MYH15: variants seen among roughly 807,000 people sequenced by gnomAD.
MYH15 encodes the protein myosin heavy chain 15.
Under a neutral mutation model 240.5 loss-of-function variants are expected in MYH15, and 227 were observed. That is an observed-to-expected ratio of 0.94 (90% CI 0.85 to 1.05). The LOEUF (loss-of-function observed/expected upper bound fraction) is 1.05, where lower values mean the gene tolerates loss of function less well. MYH15 is among the 50% of genes least tolerant of loss of function. The pLI, the probability that MYH15 is intolerant of heterozygous loss-of-function variation, is 0.00. For synonymous variants in MYH15, 785 were observed against 796.7 expected (o/e 0.99, Z 0.25); for missense variants, 2,217 against 2,247.5 (o/e 0.99, Z 0.27).
chr3:108,429,217 A>C (rs1361543098), intron 26 of MYH15, among the ~76,000 whole-genome samples: 1 of 152,196 alleles, frequency 6.6e-6, no homozygotes, highest in Non-Finnish European at 1.5e-5. Flanking sequence ...TAAAAATTGG[A>C]ATGGTAAATT....
upstream of MYH15, among the ~76,000 whole-genome samples, chr3:108,512,025 C>G (rs1329912900): frequency 1.3e-5 from 2 of 152,086 alleles, no homozygotes; most frequent in Non-Finnish European, 2.9e-5. Flanking sequence ...CTATGTAATG[C>G]AAGGACTAGT....
chr3:108,517,757 C>T (rs1451767576), intron 1 of MYH15, among the ~76,000 whole-genome samples: 2 of 152,180 alleles, frequency 1.3e-5, no homozygotes, highest in African/African-American at 2.4e-5. Flanking sequence ...TGTGAGCCAC[C>T]GCACCCGGCC....
intron 38 of MYH15, 143 bp from the exon 39 acceptor site, chr3:108,384,925 A>T: frequency 1.5e-6 from 1 of 667,568 alleles, no homozygotes; most frequent in Non-Finnish European, 2.5e-6. Context: ...GGTTTAACTC[A>T]CCCAAGTTCC....
chr3:108,535,239 A>G, the MYH15 span, among the ~76,000 whole-genome samples: 1 of 152,186 alleles, frequency 6.6e-6, no homozygotes, highest in Non-Finnish European at 1.5e-5. Context: ...CTGCTATAGT[A>G]AAATACCATG....
chr3:108,384,823 T>A, intron 38 of MYH15, 41 bp from the exon 39 acceptor site: 1 of 1,558,984 alleles, frequency 6.4e-7, no homozygotes, highest in Non-Finnish European at 8.8e-7. Context: ...ATTCAGAGGA[T>A]CCAGCAGTCT....
intron 21 of MYH15, among the ~76,000 whole-genome samples, chr3:108,451,821 T>A (rs1310407504): frequency 6.6e-6 from 1 of 152,174 alleles, no homozygotes; most frequent in African/African-American, 2.4e-5. Flanking sequence ...AAAGTAAGTT[T>A]AACATTTTTA....
intron 20 of MYH15, among the ~76,000 whole-genome samples, chr3:108,455,395 G>A (rs1160651422): frequency 6.6e-6 from 1 of 152,178 alleles, no homozygotes; most frequent in African/African-American, 2.4e-5. Flanking sequence ...TTCACACACA[G>A]ACAAGCCATT....
intron 36 of MYH15, among the ~76,000 whole-genome samples, chr3:108,392,852 T>A (rs2082431466): frequency 6.6e-6 from 1 of 152,258 alleles, no homozygotes; most frequent in African/African-American, 2.4e-5. Flanking sequence ...CCTTTCTACC[T>A]GTGTGGATTT....
chr3:108,468,451 A>G (rs1211554565), intron 14 of MYH15, among the ~76,000 whole-genome samples: 3 of 152,182 alleles, frequency 2.0e-5, no homozygotes, highest in Non-Finnish European at 4.4e-5. Context: ...GATCATTAAT[A>G]TTTGCTACAA....
chr3:108,470,295 C>G (rs1016129047), intron 13 of MYH15, 83 bp from the exon 14 acceptor site: 6 of 985,012 alleles, frequency 6.1e-6, no homozygotes, highest in African/African-American at 1.7e-5. Context: ...AAGAAAAAAC[C>G]ATAACCATTA....
At chr3:108,483,118 T>A (rs1450137692) in intron 11 of MYH15, among the ~76,000 whole-genome samples, 3 of 151,256 alleles carry the variant, frequency 2.0e-5, no homozygotes, top group Non-Finnish European at 4.4e-5. Flanking sequence ...AAGAATCGCT[T>A]GAACCTGGGA....
intron 21 of MYH15, among the ~76,000 whole-genome samples, chr3:108,445,322 C>A (rs761298166): frequency 6.6e-6 from 1 of 151,826 alleles, no homozygotes. Context: ...AGAATCTTAC[C>A]CTTAATAAAA....
intron 1 of MYH15, among the ~76,000 whole-genome samples, chr3:108,520,253 T>C (rs1009924509): frequency 6.6e-6 from 1 of 152,190 alleles, no homozygotes; most frequent in Non-Finnish European, 1.5e-5. Context: ...AACTATTCTA[T>C]TCTATGAATA....
At chr3:108,488,845 T>C (rs1344970766) in intron 9 of MYH15, among the ~76,000 whole-genome samples, 2 of 152,206 alleles carry the variant, frequency 1.3e-5, no homozygotes, top group East Asian at 1.9e-4. Flanking sequence ...TTGTAATCTT[T>C]TGAGTGACTT....
chr3:108,389,385 T>G (rs1445891952), intron 37 of MYH15, among the ~76,000 whole-genome samples: 1 of 152,070 alleles, frequency 6.6e-6, no homozygotes, highest in Non-Finnish European at 1.5e-5. Context: ...GTATAGAGAG[T>G]AAGCAATGTG....
At chr3:108,431,803 C>T (rs543831377) in intron 25 of MYH15, among the ~76,000 whole-genome samples, 3 of 152,240 alleles carry the variant, frequency 2.0e-5, no homozygotes, top group African/African-American at 4.8e-5. Flanking sequence ...TGAATAGCTT[C>T]GACCAAAATG....
chr3:108,400,305 T>C (rs552977635), intron 33 of MYH15, among the ~76,000 whole-genome samples: 1 of 152,288 alleles, frequency 6.6e-6, no homozygotes, highest in East Asian at 1.9e-4. Flanking sequence ...TCACCAAGAT[T>C]TGGTGATTGT....
At position 108,381,307 on chromosome 3, in the gene MYH15, A is replaced by C; in HGVS notation, c.*238T>G. ...ATTGAAAAGGTTCTTCCATTTATTTAATCTGTCATGTGAAGCATTAGAAGG... is the reference window on the plus strand; with the variant it reads ...ATTGAAAAGGTTCTTCCATTTATTTCATCTGTCATGTGAAGCATTAGAAGG... On this transcript the variant is annotated 3_prime_UTR_variant, in exon 41 of 41. Transcript: ENST00000693548. 1 of 571,448 alleles carries C rather than the reference A, an allele frequency of 1.7e-6. No individual in the cohort carries two copies. Among genetic ancestry groups the C allele is most frequent in the Non-Finnish European group, 3.1e-6 (1 of 320,434 alleles). The allele number at this position is 571,448 out of a possible 1,614,324, so 35.4% of individuals were successfully genotyped here.
chr3:108,470,056 C>A lies in MYH15; in HGVS notation c.1540G>T (p.Asp514Tyr). The part of the protein sequence containing the change: ...GFGLDLQACI[D>Y]LIEKPMGILS... ...ACATATATTACCTTCTCAATGAGAT[C>A]TATGCAAGCTTGCAAATCCAGACCA... Residue 514 changes from aspartate (D) to tyrosine (Y), a missense_variant, in exon 14 of 41, where the codon GAT (aspartate) becomes TAT (tyrosine). Transcript: ENST00000693548. The A allele has an allele frequency of 6.3e-7, 1 of 1,597,976 alleles. No individual in the cohort carries two copies. The highest frequency in any genetic ancestry group is 2.2e-5 in the East Asian group (1 of 44,514).
Sources: gnomAD v4.1 joint callset for allele counts (sites outside exome capture counted in the v4.1 genomes callset) on GRCh38, gnomAD v4.1.1 for gene constraint, MANE v1.5 for transcripts, NCBI Gene and HGNC (gene_info 2026-07-23, HGNC 2026-07-21) for gene names.